ACOX3: variants seen among roughly 807,000 people sequenced by gnomAD.
The protein encoded by ACOX3 is peroxisomal acyl-coenzyme A oxidase 3.
A neutral mutation model predicts 81.5 loss-of-function variants in ACOX3; 73 were observed. That is an observed-to-expected ratio of 0.90 (90% CI 0.74 to 1.09). The LOEUF is 1.09. ACOX3 is among the 50% of genes least tolerant of loss of function. ACOX3 has a pLI of 0.00. For synonymous variants in ACOX3, 387 were observed against 375.1 expected, an observed-to-expected ratio of 1.03 and a Z score of -0.37; for missense variants, 947 against 928.0, an observed-to-expected ratio of 1.02 and a Z score of -0.27.
intron 6 of ACOX3, among the ~76,000 whole-genome samples, chr4:8,409,616 T>TGGGGCTGTCTGTGCACTGTGGGC (rs1160049593): frequency 2.6e-4 from 18 of 68,830 alleles, no homozygotes; most frequent in African/African-American, 4.4e-4. Flanking sequence ...GTACTGTGGG[T>TGGGGCTGTCTGTGCACTGTGGGC]GGGGCTGTCT....
At chr4:8,398,160 C>T (rs1431571935) in intron 8 of ACOX3, among the ~76,000 whole-genome samples, 2 of 152,086 alleles carry the variant, frequency 1.3e-5, no homozygotes, top group African/African-American at 4.8e-5. Context: ...AGCAACACTC[C>T]ACCTCAAAAA....
rs568733772 is a variant in ACOX3, at chr4:8,382,759, G to C, written c.1538-1152C>G. Among the ~76,000 whole-genome samples, 2 of 152,236 alleles carry C rather than the reference G, an allele frequency of 1.3e-5. No homozygotes were observed. The highest frequency in any genetic ancestry group is 4.1e-4 in the South Asian group (2 of 4,828). ...TGTAATCCCAGCACTTTGGGAGGCA[G>C]AGGCGGGCGGATCACGAGGTCAGGA... is the stretch of plus-strand genomic sequence containing the variant. On this transcript the variant is annotated intron_variant, in intron 13 of 17. Transcript: ENST00000356406. The surrounding 1 kb of genome is among the most constrained non-coding windows in gnomAD (Gnocchi z 4.1).
At chr4:8,356,683 G>C in the ACOX3 span, 15 of 442,820 alleles carry the variant, frequency 3.4e-5, no homozygotes, top group African/African-American at 3.6e-4. Context: ...GGCAGGTGAG[G>C]GGAAGCAAGT....
At chr4:8,360,472 CT>C in the ACOX3 span, among the ~76,000 whole-genome samples, 97,065 of 135,446 alleles carry the variant, frequency 0.72, 34,366 homozygotes, top group African/African-American at 0.79. Flanking sequence ...GCTTCTTTGA[CT>C]TTTTTTTTTT....
At chr4:8,364,236 T>A (rs1351218376), downstream of ACOX3, among the ~76,000 whole-genome samples, 1 of 152,172 alleles carries the variant, frequency 6.6e-6, no homozygotes, top group East Asian at 1.9e-4. The surrounding 1 kb of genome is among the most constrained non-coding windows in gnomAD (Gnocchi z 5.0). Context: ...ATGTATAAAA[T>A]CAGGCTGTAA....
At chr4:8,422,017 C>A (rs2688230) in intron 1 of ACOX3, among the ~76,000 whole-genome samples, 2 of 152,024 alleles carry the variant, frequency 1.3e-5, no homozygotes, top group African/African-American at 4.8e-5. Context: ...AGGAAGAAAG[C>A]GAATTGAGTA....
rs1161340430 is a variant in ACOX3, at chr4:8,415,845, G to T, written c.299C>A (p.Pro100His). 2 of 1,614,072 alleles carry T rather than the reference G, an allele frequency of 1.2e-6. No individual in the cohort carries two copies. Among genetic ancestry groups the T allele is most frequent in the East Asian group, 2.2e-5 (1 of 44,888 alleles). The part of the protein sequence containing the change: ...FLSVEDMFKS[P>H]LKVPALIQCL... ...CTGAATCAAGGCGGGGACCTTCAGAGGGCTCTTGAACATGTCTTCGACACT... is the reference window on the plus strand; with the variant it reads ...CTGAATCAAGGCGGGGACCTTCAGATGGCTCTTGAACATGTCTTCGACACT... Residue 100 changes from proline (P) to histidine (H), a missense_variant, in exon 3 of 18, where the codon CCT becomes CAT. By Grantham distance (77) the Pro-to-His change is moderately conservative (BLOSUM62 -2). Transcript: ENST00000356406.
rs530275693 is a variant in ACOX3, at chr4:8,385,779, T to C, written c.1537+3394A>G. On this transcript the variant is annotated intron_variant, in intron 13 of 17. Coordinates refer to ENST00000356406, the MANE Select transcript of ACOX3 (RefSeq NM_003501.3). This position sits in a 1 kb window ranked among gnomAD's most constrained non-coding sequence, Gnocchi z 5.5. ...GCAGAGCCTGAGGGCCCCACATCAC[T>C]TAAACAGCTTTTACCAAAGATCCAC... is the stretch of plus-strand genomic sequence containing the variant. Among the ~76,000 whole-genome samples, 4 of 152,320 alleles carry C rather than the reference T, an allele frequency of 2.6e-5. No homozygotes were observed. Among genetic ancestry groups the C allele is most frequent in the Admixed American group, 2.6e-4 (4 of 15,310 alleles).
At chr4:8,417,004 G>T (rs1265346888) in intron 1 of ACOX3, among the ~76,000 whole-genome samples, 1 of 152,180 alleles carries the variant, frequency 6.6e-6, no homozygotes, top group African/African-American at 2.4e-5. Context: ...TCCACCCACC[G>T]CCGGTCCACC....
chr4:8,421,874 C>A (rs759638600), intron 1 of ACOX3, among the ~76,000 whole-genome samples: 1 of 152,164 alleles, frequency 6.6e-6, no homozygotes, highest in Non-Finnish European at 1.5e-5. Flanking sequence ...ATGCTCTCCT[C>A]CCCCAATTTC....
chr4:8,362,629 C>T (rs1431722558), downstream of ACOX3, among the ~76,000 whole-genome samples: 1 of 152,218 alleles, frequency 6.6e-6, no homozygotes, highest in Admixed American at 6.5e-5. Context: ...ATAAAAGCCC[C>T]TTGGCGAAAT....
rs1296559626 is a variant in ACOX3 at position 8,416,346 on chromosome 4, A to G, written c.144+32T>C. ...AACGAACTAAGACCCCACTGGGAAA[A>G]AAGACAAGCTGCGCACAACCGCACG... On this transcript the variant is annotated intron_variant, in intron 2 of 17. Transcript: ENST00000356406. This position sits in a 1 kb window ranked among gnomAD's most constrained non-coding sequence, Gnocchi z 4.2. The G allele has an allele frequency of 1.9e-6, 3 of 1,613,804 alleles. No individual in the cohort carries two copies. The highest frequency in any genetic ancestry group is 2.7e-5 in the African/African-American group (2 of 74,922).
At chr4:8,417,349 G>A (rs549099155) in intron 1 of ACOX3, among the ~76,000 whole-genome samples, 2 of 152,348 alleles carry the variant, frequency 1.3e-5, no homozygotes, top group East Asian at 1.9e-4. Flanking sequence ...GAGTCTGGCC[G>A]CTCAGGATGC....
chr4:8,361,142 G>A, the ACOX3 span, among the ~76,000 whole-genome samples: 1 of 152,218 alleles, frequency 6.6e-6, no homozygotes, highest in South Asian at 2.1e-4. Flanking sequence ...AATTGTTTTA[G>A]GCCGGGCGCG....
intron 13 of ACOX3, among the ~76,000 whole-genome samples, chr4:8,383,709 T>C (rs1197956001): frequency 6.6e-6 from 1 of 152,154 alleles, no homozygotes; most frequent in East Asian, 1.9e-4. Flanking sequence ...GGGTCATCCT[T>C]GAGCCTCACA....
chr4:8,367,666 G>A (rs369966162), intron 17 of ACOX3, among the ~76,000 whole-genome samples: 2 of 150,734 alleles, frequency 1.3e-5, no homozygotes, highest in African/African-American at 2.4e-5. Context: ...ATCACCCCTC[G>A]CCCTCTTCTT....
chr4:8,409,941 GCTGT>G (rs1721527638), intron 6 of ACOX3, among the ~76,000 whole-genome samples: 1 of 150,272 alleles, frequency 6.7e-6, no homozygotes, highest in South Asian at 2.1e-4. Context: ...TGTGGGCGCG[GCTGT>G]CTGTGCACTG....
At position 8,416,636 on chromosome 4, in the gene ACOX3, G is replaced by A. The variant is rs1450531261; in HGVS notation, c.-14-101C>T. 7 of 1,307,948 alleles carry A rather than the reference G, an allele frequency of 5.4e-6. No homozygotes were observed. Among genetic ancestry groups the A allele is most frequent in the Non-Finnish European group, 7.1e-6 (7 of 986,518 alleles). The allele number at this position is 1,307,948 out of a possible 1,614,324, so 81.0% of individuals were successfully genotyped here. ...GCAACACCTTACAAATCAGAGAAAA[G>A]TAAACTTGAAATCCAAAAGGATGGC... On this transcript the variant is annotated intron_variant, in intron 1 of 17. Transcript: ENST00000356406. The surrounding 1 kb of genome is among the most constrained non-coding windows in gnomAD (Gnocchi z 4.2).
At chr4:8,356,088 T>C in the ACOX3 span, 1 of 211,406 alleles carries the variant, frequency 4.7e-6, no homozygotes. Context: ...TTGAACATGC[T>C]GGGAAGAGGA....
Sources: allele counts gnomAD v4.1 joint callset (sites outside exome capture counted in the v4.1 genomes callset), GRCh38; gene constraint gnomAD v4.1.1; non-coding constraint Gnocchi (gnomAD v3.1); transcripts MANE v1.5; gene names NCBI Gene and HGNC (gene_info 2026-07-23, HGNC 2026-07-21).